The following HNF1B variants were observed in gnomAD, a reference collection of about 807,000 sequenced individuals.
The protein encoded by HNF1B is HNF1 homeobox B.
Under a neutral mutation model 61.7 loss-of-function variants are expected in HNF1B, and 8 were observed. That is an observed-to-expected ratio of 0.13 (90% CI 0.08 to 0.23). HNF1B has a LOEUF of 0.23. HNF1B is among the 10% of genes least tolerant of loss of function. HNF1B has a pLI of 1.00. For synonymous variants in HNF1B, 314 were observed against 287.7 expected, an observed-to-expected ratio of 1.09 and a Z score of -0.93; for missense variants, 562 against 714.5, an observed-to-expected ratio of 0.79 and a Z score of 2.43.
In HNF1B at chr17:37,705,036, C is replaced by T. The variant is rs757508365; in HGVS notation, c.1220G>A (p.Gly407Glu). Reference sequence around the variant, plus strand: ...GGTGCTGACTGGGGGCAAACCTCCTCCTGAGACTGAGATCTGATGGAGAGA... The same window carrying T: ...GGTGCTGACTGGGGGCAAACCTCCTTCTGAGACTGAGATCTGATGGAGAGA... ...SPDGKMISVS[G>E]GGLPPVSTLT... The change falls in exon 6 of 9, where the codon GGA (glycine) becomes GAA (glutamate). Residue 407 changes from glycine (G) to glutamate (E), a missense_variant. Gly to Glu is a moderately conservative substitution (Grantham distance 98, BLOSUM62 -2). Around this residue, in one of 6 missense-constraint regions of HNF1B, gnomAD observed 211 missense variants for 200.7 expected, o/e 1.05. Transcript: ENST00000617811. 1.2e-6 allele frequency: 2 copies of T among 1,613,912 alleles called. No individual in the cohort carries two copies. The highest frequency in any genetic ancestry group is 2.2e-5 in the East Asian group (1 of 44,888).
At chr17:37,703,170 A>C (rs1464671487) in intron 6 of HNF1B, among the ~76,000 whole-genome samples, 2 of 152,136 alleles carry the variant, frequency 1.3e-5, no homozygotes, top group East Asian at 3.9e-4. Flanking sequence ...ATAGTGTAGG[A>C]CCTCTGTGTC....
intron 4 of HNF1B, chr17:37,729,434 CAAAAAAAAAAA>C (rs5820234): frequency 1.5e-5 from 1 of 68,600 alleles, no homozygotes; most frequent in Non-Finnish European, 3.1e-5. Context: ...CCCTGTCTCT[CAAAAAAAAAAA>C]AAAAAAAAAA....
intron 1 of HNF1B, among the ~76,000 whole-genome samples, chr17:37,741,468 AAAACGAGTTACAGTTTC>A (rs1458617613): frequency 1.3e-5 from 2 of 152,248 alleles, no homozygotes; most frequent in African/African-American, 2.4e-5. Flanking sequence ...AAAAAATGAG[AAAACGAGTTACAGTTTC>A]AAACGTGGAG....
chr17:37,711,490 C>T (rs2032933827), intron 4 of HNF1B, among the ~76,000 whole-genome samples: 1 of 152,194 alleles, frequency 6.6e-6, no homozygotes, highest in Non-Finnish European at 1.5e-5. Context: ...CTCCCTCTTG[C>T]TCGGGAACCA....
intron 4 of HNF1B, among the ~76,000 whole-genome samples, chr17:37,726,505 G>C (rs2033502970): frequency 6.6e-6 from 1 of 152,156 alleles, no homozygotes; most frequent in Non-Finnish European, 1.5e-5. Context: ...GGACACTTTG[G>C]AGATTTCCTC....
intron 3 of HNF1B, among the ~76,000 whole-genome samples, chr17:37,732,301 C>T (rs2033711386): frequency 1.3e-5 from 2 of 152,158 alleles, no homozygotes; most frequent in South Asian, 4.1e-4. Flanking sequence ...ATGCTTTATC[C>T]CCTCCAAAAG....
At chr17:37,716,881 TCTC>T (rs2033140217) in intron 4 of HNF1B, among the ~76,000 whole-genome samples, 1 of 129,668 alleles carries the variant, frequency 7.7e-6, no homozygotes, top group Non-Finnish European at 1.7e-5. Context: ...TCTCTCTCTC[TCTC>T]TCTGCCATAA....
At chr17:37,693,580 T>C (rs2032280225) in intron 8 of HNF1B, among the ~76,000 whole-genome samples, 1 of 152,202 alleles carries the variant, frequency 6.6e-6, no homozygotes, top group South Asian at 2.1e-4. Context: ...AGTGAAATGC[T>C]CTGAGAAGCC....
intron 1 of HNF1B, among the ~76,000 whole-genome samples, chr17:37,743,841 C>G (rs1026752870): frequency 1.7e-4 from 26 of 152,258 alleles, no homozygotes; most frequent in Non-Finnish European, 2.9e-5. Context: ...CCTCTGCGAA[C>G]TGAGGTCTGA....
intron 1 of HNF1B, among the ~76,000 whole-genome samples, chr17:37,744,303 G>T: frequency 6.6e-6 from 1 of 152,270 alleles, no homozygotes; most frequent in East Asian, 1.9e-4. Context: ...GCGGGGAAAA[G>T]CCCTTGGGTC....
In HNF1B at chr17:37,732,680, T is replaced by A. The variant is rs1049598692; in HGVS notation, c.810-850A>T. Reference sequence around the variant, plus strand: ...GATTTCCCAAGGCTTTCCAATCGTTTAAAAAAAAATAGCTGGGCCCTGTGG... The same window carrying A: ...GATTTCCCAAGGCTTTCCAATCGTTAAAAAAAAAATAGCTGGGCCCTGTGG... On this transcript the variant is annotated intron_variant, in intron 3 of 8. Coordinates refer to ENST00000617811, the MANE Select transcript of HNF1B (RefSeq NM_000458.4). Among the ~76,000 whole-genome samples, 43 of 151,440 alleles carry A rather than the reference T, an allele frequency of 2.8e-4. 1 individual carries two copies. In the South Asian group the frequency reaches 4.0e-3, roughly 14 times the overall value.
Position 37,687,158 on chromosome 17 carries a change from T to G in HNF1B, c.*214A>C, listed in dbSNP as rs1018342664. The stretch of plus-strand genomic sequence containing the variant: ...GTCCTTGACATCGTGGGAGAGGCAT[T>G]GTGGCAATACTGCATAGAAGGGAAA... On this transcript the variant is annotated 3_prime_UTR_variant, in exon 9 of 9. Transcript: ENST00000617811. 1.7e-5 allele frequency: 12 copies of G among 709,148 alleles called. No individual in the cohort carries two copies. The highest frequency in any genetic ancestry group is 3.6e-4 in the Middle Eastern group (1 of 2,740). The allele number at this position is 709,148 out of a possible 1,614,324, so 43.9% of individuals were successfully genotyped here.
chr17:37,721,098 C>G lies in HNF1B; in HGVS notation c.1046-10435G>C, dbSNP rs185521382. The stretch of plus-strand genomic sequence containing the variant: ...AATGGGTGCCAAGCAGGAAGAGGCA[C>G]CCTGCAGTGGACAGGGCCAGAAGGC... On this transcript the variant is annotated intron_variant, in intron 4 of 8. Transcript: ENST00000617811. Among the ~76,000 whole-genome samples, 177 of 152,314 alleles carry G rather than the reference C, an allele frequency of 1.2e-3. 1 individual carries two copies. The East Asian group carries it at 0.017, about 14-fold the overall frequency.
intron 5 of HNF1B, among the ~76,000 whole-genome samples, chr17:37,707,996 AC>A (rs2032808058): frequency 6.6e-6 from 1 of 152,142 alleles, no homozygotes; most frequent in South Asian, 2.1e-4. Context: ...AACAGGGCTG[AC>A]CCAAAGAACA....
chr17:37,744,690 G>A lies in HNF1B; in HGVS notation c.195C>T (p.Leu65=), dbSNP rs1454245690. The A allele has an allele frequency of 1.6e-5, 26 of 1,613,578 alleles. No homozygotes were observed. Among genetic ancestry groups the A allele is most frequent in the Non-Finnish European group, 2.2e-5 (26 of 1,180,048 alleles). The change falls in exon 1 of 9, where the codon CTC becomes CTT. Residue 65 remains leucine, a synonymous_variant. Coordinates refer to ENST00000617811, the MANE Select transcript of HNF1B (RefSeq NM_000458.4). ...AGCGGCCCTTGGCGTGGCCGTTGGTGAGAGTATGGAAGACCGGCTTGGTGT... is the reference window on the plus strand; with the variant it reads ...AGCGGCCCTTGGCGTGGCCGTTGGTAAGAGTATGGAAGACCGGCTTGGTGT... ...EPDTKPVFHT[L]TNGHAKGRLS...
chr17:37,727,196 G>C (rs557636313), intron 4 of HNF1B, among the ~76,000 whole-genome samples: 4 of 152,266 alleles, frequency 2.6e-5, no homozygotes, highest in Non-Finnish European at 5.9e-5. Flanking sequence ...CCTTTTAGGG[G>C]CCTTTCTCTT....
chr17:37,728,987 A>C (rs1179806155), intron 4 of HNF1B: 4 of 152,744 alleles, frequency 2.6e-5, no homozygotes, highest in Non-Finnish European at 4.4e-5. Context: ...CAGTCTTCTC[A>C]CTGCCCTTGT....
chr17:37,720,698 G>A (rs2033283992), intron 4 of HNF1B: 1 of 714,792 alleles, frequency 1.4e-6, no homozygotes, highest in African/African-American at 1.9e-5. Context: ...GCCAGGCACA[G>A]GGCTATGGGC....
intron 4 of HNF1B, among the ~76,000 whole-genome samples, chr17:37,713,816 C>T (rs1197204480): frequency 6.6e-6 from 1 of 152,204 alleles, no homozygotes; most frequent in Non-Finnish European, 1.5e-5. Flanking sequence ...CTCCTCTCAC[C>T]AAGCATGTGG....
Sources: gnomAD v4.1 joint callset for allele counts (sites outside exome capture counted in the v4.1 genomes callset) on GRCh38, gnomAD v4.1.1 for gene constraint, gnomAD v4.1.1 regional missense constraint, MANE v1.5 for transcripts, NCBI Gene and HGNC (gene_info 2026-07-23, HGNC 2026-07-21) for gene names.